Variants in FCHO2 observed in about 807,000 individuals in gnomAD.
FCHO2 encodes the protein FCH and mu domain containing endocytic adaptor 2.
In FCHO2, 43 loss-of-function variants were observed where a neutral mutation model predicts 114.1. The ratio of observed to expected loss-of-function variants is 0.38; its 90% CI spans 0.30 to 0.49. FCHO2 has a LOEUF of 0.49. FCHO2 is among the 20% of genes least tolerant of loss of function. The pLI is 0.97. For missense variants in FCHO2, 807 were observed against 950.4 expected, an observed-to-expected ratio of 0.85 and a Z score of 1.98; for synonymous variants, 293 against 315.2, an observed-to-expected ratio of 0.93 and a Z score of 0.75.
Position 72,990,637 on chromosome 5 carries a change from G to A in FCHO2, c.342+18G>A. 1.3e-6 allele frequency: 2 copies of A among 1,526,544 alleles called. No individual in the cohort carries two copies. Among genetic ancestry groups the A allele is most frequent in the Non-Finnish European group, 1.8e-6 (2 of 1,141,716 alleles). 94.6% of individuals were successfully genotyped at this position (1,526,544 alleles called of 1,614,324 possible). A position where few individuals can be genotyped will look rare whatever the true frequency, so the allele number is the denominator to read the frequency against. On this transcript the variant is annotated intron_variant, in intron 4 of 25. Transcript: ENST00000430046. ...ATAAAAAGGTATCAGTTTTTTTCTT[G>A]TTAAATAATTGATTGGTCAGATATT...
chr5:73,062,726 C>T (rs1757907094), intron 17 of FCHO2, among the ~76,000 whole-genome samples: 5 of 152,038 alleles, frequency 3.3e-5, no homozygotes, highest in Admixed American at 3.3e-4. Context: ...CATGCATGTA[C>T]AACTTTCAAT....
intron 2 of FCHO2, among the ~76,000 whole-genome samples, chr5:72,978,240 G>C (rs1039046859): frequency 2.6e-5 from 4 of 152,186 alleles, no homozygotes; most frequent in African/African-American, 9.7e-5. Flanking sequence ...CTATGCATGA[G>C]CATGGAATGT....
At chr5:72,962,137 T>A (rs903896649) in intron 1 of FCHO2, among the ~76,000 whole-genome samples, 1 of 152,202 alleles carries the variant, frequency 6.6e-6, no homozygotes, top group African/African-American at 2.4e-5. Context: ...TAGAATTTTT[T>A]AAGGGGTGTG....
rs186049308 is a variant in FCHO2, at chr5:72,998,213, C to T, written c.495+7349C>T. Reference sequence around the variant, plus strand: ...AATTACTTTAAAAAATGTGGTCAGGCGCGGTGGCTCACACCTGTAATCCCA... The same window carrying T: ...AATTACTTTAAAAAATGTGGTCAGGTGCGGTGGCTCACACCTGTAATCCCA... On this transcript the variant is annotated intron_variant, in intron 5 of 25. Coordinates refer to ENST00000430046, the MANE Select transcript of FCHO2 (RefSeq NM_138782.3). Among the ~76,000 whole-genome samples the T allele has an allele frequency of 2.1e-3, 319 of 152,034 alleles. 2 individuals are homozygous for T. The highest frequency in any genetic ancestry group is 7.3e-3 in the African/African-American group (304 of 41,480).
At chr5:73,008,871 A>G (rs556406465) in intron 6 of FCHO2, among the ~76,000 whole-genome samples, 11 of 152,216 alleles carry the variant, frequency 7.2e-5, no homozygotes, top group Non-Finnish European at 1.0e-4. Flanking sequence ...ATAATACTAT[A>G]TATCTTTATT....
At chr5:73,059,877 T>C (rs1249822042) in intron 17 of FCHO2, among the ~76,000 whole-genome samples, 1 of 152,024 alleles carries the variant, frequency 6.6e-6, no homozygotes, top group Non-Finnish European at 1.5e-5. Flanking sequence ...ATCTCTCTTT[T>C]GTTTAGTAAA....
At chr5:72,975,694 G>A (rs1474937195) in intron 2 of FCHO2, among the ~76,000 whole-genome samples, 1 of 152,002 alleles carries the variant, frequency 6.6e-6, no homozygotes, top group African/African-American at 2.4e-5. Flanking sequence ...TTATAGAGAC[G>A]GGGTTTTGCC....
chr5:72,983,547 CTTT>C (rs35592345), intron 2 of FCHO2, among the ~76,000 whole-genome samples: 1 of 112,904 alleles, frequency 8.9e-6, no homozygotes, highest in Non-Finnish European at 1.8e-5. Context: ...AGTGACAATA[CTTT>C]TTTTTTTTTT....
intron 24 of FCHO2, among the ~76,000 whole-genome samples, chr5:73,084,426 C>T (rs546635152): frequency 4.1e-4 from 63 of 152,204 alleles, no homozygotes; most frequent in African/African-American, 1.4e-3. Context: ...CCACCACATC[C>T]AGCTAATTTT....
At chr5:73,085,338 G>T (rs1206626452) in intron 24 of FCHO2, among the ~76,000 whole-genome samples, 1 of 152,106 alleles carries the variant, frequency 6.6e-6, no homozygotes. Context: ...CAGAGACTCC[G>T]TCTCAAAAAA....
chr5:72,984,093 T>C (rs1041109892), intron 2 of FCHO2, among the ~76,000 whole-genome samples: 3 of 152,198 alleles, frequency 2.0e-5, no homozygotes, highest in Non-Finnish European at 4.4e-5. Context: ...GTAGTATCTA[T>C]CTTATTGTGA....
chr5:73,000,160 A>G (rs1359396985), intron 5 of FCHO2, among the ~76,000 whole-genome samples: 3 of 152,018 alleles, frequency 2.0e-5, no homozygotes, highest in Admixed American at 6.6e-5. Flanking sequence ...ATGTGCCACC[A>G]TGCACAGCCA....
At chr5:73,056,205 CT>C in intron 16 of FCHO2, 98 bp downstream of exon 16, 1 of 865,524 alleles carries the variant, frequency 1.2e-6, no homozygotes, top group Non-Finnish European at 1.8e-6. Flanking sequence ...AGAGATTTCC[CT>C]TTATGCTCCC....
chr5:73,034,794 G>GTA, intron 9 of FCHO2, 93 bp downstream of exon 9: 1 of 997,838 alleles, frequency 1.0e-6, no homozygotes, highest in Non-Finnish European at 1.4e-6. Context: ...CTATCCCTAG[G>GTA]TGTCAGCATA....
Position 73,077,459 on chromosome 5 carries a change from G to A in FCHO2, c.1813G>A (p.Glu605Lys). 1 of 1,603,356 alleles carries A rather than the reference G, an allele frequency of 6.2e-7. No individual in the cohort carries two copies. Among genetic ancestry groups the A allele is most frequent in the Non-Finnish European group, 8.5e-7 (1 of 1,174,650 alleles). The change falls in exon 21 of 26, where the codon GAG becomes AAG. Residue 605 changes from glutamate (E) to lysine (K), a missense_variant. By Grantham distance (56) the Glu-to-Lys change is moderately conservative. Transcript: ENST00000430046. ...CAGGGTGAAAAATATCAGCAGACTA[G>A]AGCAGATTCTTCCAAATGCACAGCT... ...CFRVKNISRL[E>K]QILPNAQLVF...
intron 1 of FCHO2, among the ~76,000 whole-genome samples, chr5:72,964,415 T>G (rs1752065340): frequency 6.6e-6 from 1 of 152,198 alleles, no homozygotes; most frequent in Non-Finnish European, 1.5e-5. Flanking sequence ...AGACTGAGTT[T>G]CGCTGTATTG....
intron 2 of FCHO2, among the ~76,000 whole-genome samples, chr5:72,987,627 C>T (rs577385516): frequency 1.1e-4 from 17 of 152,146 alleles, no homozygotes; most frequent in Non-Finnish European, 1.8e-4. Flanking sequence ...CGTGAGCCAC[C>T]GTGCCTGGCT....
At chr5:73,021,199 G>C (rs1755607528) in intron 8 of FCHO2, 4 of 758,586 alleles carry the variant, frequency 5.3e-6, no homozygotes, top group African/African-American at 1.7e-5. Flanking sequence ...TAGAGCAAGT[G>C]ATTTGACTGT....
At chr5:73,022,353 C>T (rs1384221130) in intron 8 of FCHO2, among the ~76,000 whole-genome samples, 1 of 152,144 alleles carries the variant, frequency 6.6e-6, no homozygotes, top group African/African-American at 2.4e-5. Flanking sequence ...TGTTCTGAAT[C>T]AAGCCAATTT....
Sources: gnomAD v4.1 joint callset for allele counts (sites outside exome capture counted in the v4.1 genomes callset) on GRCh38, gnomAD v4.1.1 for gene constraint, MANE v1.5 for transcripts, NCBI Gene and HGNC (gene_info 2026-07-23, HGNC 2026-07-21) for gene names.